The following UFL1 variants were observed in gnomAD, a reference collection of about 807,000 sequenced individuals.
UFL1 encodes UFM1 specific ligase 1.
UFL1 carries 78 observed loss-of-function variants against 99.3 expected under a neutral mutation model. That is an observed-to-expected ratio of 0.79 (90% confidence interval 0.65 to 0.95). The LOEUF (loss-of-function observed/expected upper bound fraction) is 0.95. UFL1 is among the 40% of genes least tolerant of loss of function. The pLI, the probability that UFL1 is intolerant of heterozygous loss-of-function variation, is 0.00. For missense variants in UFL1, 936 were observed against 937.0 expected, an observed-to-expected ratio of 1.00 and a Z score of 0.01; for synonymous variants, 335 against 322.2, an observed-to-expected ratio of 1.04 and a Z score of -0.42.
chr6:96,526,534 A>T (rs1769705726), intron 5 of UFL1, 99 bp downstream of exon 5: 2 of 935,678 alleles, frequency 2.1e-6, no homozygotes, highest in African/African-American at 3.4e-5. Flanking sequence ...CTTCCTCACC[A>T]TCATTTGATT....
chr6:96,528,347 C>T (rs1245522380), intron 5 of UFL1, among the ~76,000 whole-genome samples, 155 bp from the exon 6 acceptor site: 1 of 152,212 alleles, frequency 6.6e-6, no homozygotes, highest in East Asian at 1.9e-4. Flanking sequence ...TGAATCTTCA[C>T]TTTAGTTGAT....
intron 10 of UFL1, 25 bp from the exon 11 acceptor site, chr6:96,540,510 C>T: frequency 6.3e-7 from 1 of 1,582,514 alleles, no homozygotes; most frequent in Non-Finnish European, 8.6e-7. Flanking sequence ...GTTTTTCCTA[C>T]CAAAAAAAGC....
intron 3 of UFL1, among the ~76,000 whole-genome samples, chr6:96,524,866 C>T (rs1769676667): frequency 6.6e-6 from 1 of 152,092 alleles, no homozygotes; most frequent in Non-Finnish European, 1.5e-5. Context: ...ACACTATAAA[C>T]AAGAAGCCAG....
Position 96,549,802 on chromosome 6 carries a change from A to G in UFL1, c.1818+3A>G, listed in dbSNP as rs769802214. 1 of 1,611,024 alleles carries G rather than the reference A, an allele frequency of 6.2e-7. No individual in the cohort carries two copies. Among genetic ancestry groups the G allele is most frequent in the African/African-American group, 1.3e-5 (1 of 74,722 alleles). Reference sequence around the variant, plus strand: ...ATCCTGCAGCCATTACAAGTGAAGTATGTTAATGATCTCCCTACCACTATT... The same window carrying G: ...ATCCTGCAGCCATTACAAGTGAAGTGTGTTAATGATCTCCCTACCACTATT... On this transcript the variant is annotated splice_donor_region_variant and intron_variant, in intron 15 of 18. Coordinates refer to ENST00000369278, the MANE Select transcript of UFL1 (RefSeq NM_015323.5).
At chr6:96,523,437 T>A in intron 2 of UFL1, 146 bp downstream of exon 2, 2 of 877,354 alleles carry the variant, frequency 2.3e-6, no homozygotes, top group Non-Finnish European at 3.3e-6. Context: ...TCAGGCTTAA[T>A]ATTTTTACTG....
rs879063390 is a variant in UFL1, at chr6:96,536,398, T to C, written c.802+8T>C. 1.3e-6 allele frequency: 2 copies of C among 1,591,926 alleles called. No homozygotes were observed. Among genetic ancestry groups the C allele is most frequent in the South Asian group, 1.1e-5 (1 of 87,432 alleles). On this transcript the variant is annotated splice_region_variant and intron_variant, in intron 8 of 18. Transcript: ENST00000369278. ...GGCAGAATGGCTATCTAGGTAACTTTCTTATTTCTTTAAAACTAAAATTTA... is the reference window on the plus strand; with the variant it reads ...GGCAGAATGGCTATCTAGGTAACTTCCTTATTTCTTTAAAACTAAAATTTA...
intron 5 of UFL1, 146 bp from the exon 6 acceptor site, chr6:96,528,356 A>G: frequency 1.1e-6 from 1 of 932,310 alleles, no homozygotes; most frequent in East Asian, 2.8e-5. Flanking sequence ...ACTTTAGTTG[A>G]TATATCTTGT....
At chr6:96,528,734 A>G (rs918773803) in intron 6 of UFL1, 102 bp downstream of exon 6, 13 of 1,366,232 alleles carry the variant, frequency 9.5e-6, no homozygotes, top group Non-Finnish European at 1.3e-5. Context: ...ATAAAGTCTC[A>G]TTTAGGACCC....
rs554322316 is a variant in UFL1, at chr6:96,550,100, C to A, written c.1818+301C>A. On this transcript the variant is annotated intron_variant, in intron 15 of 18. Transcript: ENST00000369278. ...CTGGCAAATCCCATAACATTCTGAC[C>A]CATTTCCATAACTTTGAAGTTATTT... 4.6e-5 allele frequency among the ~76,000 whole-genome samples: 7 copies of A among 151,904 alleles called. No homozygotes were observed. In the South Asian group the frequency reaches 1.5e-3, roughly 32 times the overall value.
chr6:96,553,316 G>T lies in UFL1; in HGVS notation c.2198G>T (p.Gly733Val). Residue 733 changes from glycine to valine, a missense_variant, in exon 19 of 19, where the codon GGT (glycine) becomes GTT (valine). Gly to Val is a moderately radical substitution (Grantham distance 109, BLOSUM62 -3). Transcript: ENST00000369278. ...DQHALLVKYQ[G>V]LVVKQLVSQS... ...CATGCTCTTTTGGTAAAGTATCAAG[G>T]TTTGGTTGTAAAGCAGCTAGTCAGT... The T allele has an allele frequency of 1.2e-6, 2 of 1,613,670 alleles. No homozygotes were observed. Among genetic ancestry groups the T allele is most frequent in the East Asian group, 4.5e-5 (2 of 44,820 alleles).
At chr6:96,532,649 A>G (rs974615626) in intron 6 of UFL1, among the ~76,000 whole-genome samples, 3 of 152,172 alleles carry the variant, frequency 2.0e-5, no homozygotes, top group Admixed American at 2.0e-4. Flanking sequence ...CTCTTTCACT[A>G]TGTGATTTAT....
In UFL1 at chr6:96,549,709, A is replaced by T; in HGVS notation, c.1728A>T (p.Ser576=). The change falls in exon 15 of 19, where the codon TCA becomes TCT. Residue 576 remains serine (S), a synonymous_variant. Coordinates refer to ENST00000369278, the MANE Select transcript of UFL1 (RefSeq NM_015323.5). ...QAALTKHLLK[S]VCTDITNLIF... ...CTCTTACCAAACACTTGCTGAAGTCAGTGTGTACTGATATCACTAACCTCA... is the reference window on the plus strand; with the variant it reads ...CTCTTACCAAACACTTGCTGAAGTCTGTGTGTACTGATATCACTAACCTCA... 6.2e-7 allele frequency: 1 copy of T among 1,612,382 alleles called. No individual in the cohort carries two copies. Among genetic ancestry groups the T allele is most frequent in the Non-Finnish European group, 8.5e-7 (1 of 1,178,890 alleles).
At position 96,535,931 on chromosome 6, in the gene UFL1, AT is replaced by A. The variant is rs376304296; in HGVS notation, c.656-312del. Among the ~76,000 whole-genome samples, 93 of 152,122 alleles carry A rather than the reference AT, an allele frequency of 6.1e-4. 2 individuals are homozygous for A. The Middle Eastern group carries it at 0.017, about 28-fold the overall frequency. Reference sequence around the variant, plus strand: ...TTTTTAGTAAATTATGAGATAGATAATGGCATGCTGTGTTTTCACCAAAATT... The same window carrying A: ...TTTTTAGTAAATTATGAGATAGATAAGGCATGCTGTGTTTTCACCAAAATT... On this transcript the variant is annotated intron_variant, in intron 7 of 18. Coordinates refer to ENST00000369278, the MANE Select transcript of UFL1 (RefSeq NM_015323.5).
At chr6:96,523,052 C>A in intron 1 of UFL1, 94 bp from the exon 2 acceptor site, 3 of 1,307,148 alleles carry the variant, frequency 2.3e-6, no homozygotes, top group South Asian at 1.9e-5. Context: ...ACTAAACAAA[C>A]TTTTTAAAAG....
In UFL1 at chr6:96,552,594, A is replaced by G. The variant is rs373468900; in HGVS notation, c.2098A>G (p.Ser700Gly). Residue 700 changes from serine to glycine, a missense_variant, in exon 18 of 19, where the codon AGC becomes GGC. Transcript: ENST00000369278. ...CCTGTTGTTTCAGTTTTCAACCCAC[A>G]GCATGCTCCATGCACCTGGAAGATG... ...SVLLFQFSTH[S>G]MLHAPGRCVP... is the part of the protein sequence containing the mutation. 1 of 1,613,274 alleles carries G rather than the reference A, an allele frequency of 6.2e-7. No individual in the cohort carries two copies. Among genetic ancestry groups the G allele is most frequent in the Non-Finnish European group, 8.5e-7 (1 of 1,179,694 alleles).
At position 96,554,212 on chromosome 6, in the gene UFL1, C is replaced by T. The variant is rs550836998; in HGVS notation, c.*709C>T. 2.0e-5 allele frequency: 3 copies of T among 152,202 alleles called. No homozygotes were observed. In the South Asian group the frequency reaches 6.2e-4, roughly 32 times the overall value. The allele number at this position is 152,202 out of a possible 1,614,324, so 9.4% of individuals were successfully genotyped here. A position where few individuals can be genotyped will look rare whatever the true frequency, so the allele number is the denominator to read the frequency against. On this transcript the variant is annotated 3_prime_UTR_variant, in exon 19 of 19. Coordinates refer to ENST00000369278, the MANE Select transcript of UFL1 (RefSeq NM_015323.5). ...GAGAGAGAACACATGCAATTTATTA[C>T]CAGTAAGCATAAGTCATATTTAACA...
At chr6:96,533,902 CT>C (rs1769818231) in intron 6 of UFL1, among the ~76,000 whole-genome samples, 2 of 148,672 alleles carry the variant, frequency 1.3e-5, no homozygotes, top group South Asian at 4.3e-4. Flanking sequence ...TCTCATTTTT[CT>C]TCAAAAATGG....
intron 6 of UFL1, 46 bp from the exon 7 acceptor site, chr6:96,534,217 C>A: frequency 7.9e-7 from 1 of 1,263,680 alleles, no homozygotes. Flanking sequence ...TAATCTATAA[C>A]ACTATAATGA....
intron 9 of UFL1, among the ~76,000 whole-genome samples, chr6:96,538,358 A>G (rs1028347628): frequency 3.3e-5 from 5 of 151,722 alleles, no homozygotes; most frequent in Admixed American, 6.6e-5. Flanking sequence ...AAAACGAACT[A>G]TGTGTGCCTT....
Sources: gnomAD v4.1 joint callset for allele counts (sites outside exome capture counted in the v4.1 genomes callset) on GRCh38, gnomAD v4.1.1 for gene constraint, MANE v1.5 for transcripts, NCBI Gene and HGNC (gene_info 2026-07-23, HGNC 2026-07-21) for gene names.